Variants in MTAP observed in about 807,000 individuals in gnomAD.
MTAP encodes S-methyl-5'-thioadenosine phosphorylase.
Under a neutral mutation model 33.6 loss-of-function variants are expected in MTAP, and 33 were observed. The ratio of observed to expected loss-of-function variants is 0.98; its 90% CI spans 0.74 to 1.31. The LOEUF (loss-of-function observed/expected upper bound fraction) is 1.31, where lower values mean the gene tolerates loss of function less well. MTAP is among the 40% of genes most tolerant of loss of function. MTAP has a pLI of 0.00. For missense variants in MTAP, 367 were observed against 360.0 expected, an observed-to-expected ratio of 1.02 and a Z score of -0.16; for synonymous variants, 148 against 125.7, an observed-to-expected ratio of 1.18 and a Z score of -1.19.
intron 1 of MTAP, chr9:21,930,004 A>T: frequency 2.4e-6 from 1 of 424,538 alleles, no homozygotes; most frequent in Admixed American, 2.6e-5. Context: ...TTCTTCAGGC[A>T]ACTTTGCTAA....
At chr9:21,857,349 C>G (rs989996714) in intron 6 of MTAP, among the ~76,000 whole-genome samples, 4 of 152,200 alleles carry the variant, frequency 2.6e-5, no homozygotes, top group African/African-American at 9.7e-5. Context: ...CCCAGCCTGT[C>G]ACTGCTTTGT....
Position 21,865,353 on chromosome 9 carries a change from G to A in MTAP, c.*3339G>A, listed in dbSNP as rs1233230342. ...AGTTTCCTGAGGCCTTCCCAGCTAT[G>A]TGGAACTGTGAGTTAATTAAACCTC... On this transcript the variant is annotated 3_prime_UTR_variant, in exon 8 of 8. Coordinates refer to ENST00000644715, the MANE Select transcript of MTAP (RefSeq NM_002451.4). 1.2e-6 allele frequency: 1 copy of A among 809,344 alleles called. No individual in the cohort carries two copies. Among genetic ancestry groups the A allele is most frequent in the African/African-American group, 1.9e-5 (1 of 53,664 alleles). The allele number at this position is 809,344 out of a possible 1,614,324, so 50.1% of individuals were successfully genotyped here.
intron 1 of MTAP, among the ~76,000 whole-genome samples, chr9:21,887,699 A>G (rs529542751): frequency 3.3e-5 from 5 of 152,320 alleles, no homozygotes; most frequent in African/African-American, 1.2e-4. Flanking sequence ...TGACTTCCGC[A>G]ATGGTTGAAC....
rs1825709882 is a variant in MTAP at position 21,859,478 on chromosome 9, C to A, written c.813+53C>A. 1.1e-5 allele frequency: 17 copies of A among 1,527,508 alleles called. No individual in the cohort carries two copies. The South Asian group carries it at 2.2e-4, about 20-fold the overall frequency. The allele number at this position is 1,527,508 out of a possible 1,614,324, so 94.6% of individuals were successfully genotyped here. A position where few individuals can be genotyped will look rare whatever the true frequency, so the allele number is the denominator to read the frequency against. ...ATGTCTGTAGACTCTCTATTGTCTT[C>A]TTTTCTTACTTGCATTTCACCTTTG... On this transcript the variant is annotated intron_variant, in intron 7 of 7. Coordinates refer to ENST00000644715, the MANE Select transcript of MTAP (RefSeq NM_002451.4).
chr9:21,804,766 C>T (rs1208419090), intron 1 of MTAP, among the ~76,000 whole-genome samples: 1 of 152,174 alleles, frequency 6.6e-6, no homozygotes, highest in Admixed American at 6.5e-5. Flanking sequence ...CACACAAACC[C>T]GTTTTGCGGG....
chr9:21,889,855 G>C (rs983234486), intron 1 of MTAP, among the ~76,000 whole-genome samples: 1 of 152,194 alleles, frequency 6.6e-6, no homozygotes, highest in Admixed American at 6.5e-5. Context: ...TAGTGCACTG[G>C]TTTTCTCTAA....
chr9:21,940,095 A>G (rs1312800020), downstream of MTAP, among the ~76,000 whole-genome samples: 2 of 152,316 alleles, frequency 1.3e-5, no homozygotes, highest in Non-Finnish European at 1.5e-5. Flanking sequence ...AAGCCTGGCC[A>G]ACAGGACCCT....
Position 21,823,460 on chromosome 9 carries a change from T to C in MTAP, c.347+5258T>C, listed in dbSNP as rs1188288497. ...TTGGCCCCCACTCTCTTCTGGCTTG[T>C]AGAGTTTCTGCCGAGAGATCTGCTT... On this transcript the variant is annotated intron_variant, in intron 4 of 7. Coordinates refer to ENST00000644715, the MANE Select transcript of MTAP (RefSeq NM_002451.4). 2.6e-5 allele frequency among the ~76,000 whole-genome samples: 4 copies of C among 152,358 alleles called. No homozygotes were observed. In the East Asian group the frequency reaches 7.7e-4, roughly 29 times the overall value.
chr9:21,816,289 A>G (rs1210345288), intron 2 of MTAP, among the ~76,000 whole-genome samples: 1 of 152,150 alleles, frequency 6.6e-6, no homozygotes, highest in African/African-American at 2.4e-5. Context: ...TTCCATGATC[A>G]TCTTAGACCT....
chr9:21,938,381 G>T (rs1819076337), downstream of MTAP, among the ~76,000 whole-genome samples: 1 of 151,770 alleles, frequency 6.6e-6, no homozygotes, highest in Admixed American at 6.6e-5. Context: ...TCAGGCTGCA[G>T]TGAGCCATGA....
At chr9:21,881,678 G>C (rs564068481) in intron 1 of MTAP, among the ~76,000 whole-genome samples, 1 of 152,040 alleles carries the variant, frequency 6.6e-6, no homozygotes, top group Non-Finnish European at 1.5e-5. Context: ...AAACCACATT[G>C]AGATATCACT....
chr9:21,879,135 A>G (rs1398243424), intron 1 of MTAP, among the ~76,000 whole-genome samples: 11 of 152,052 alleles, frequency 7.2e-5, no homozygotes, highest in Non-Finnish European at 1.3e-4. Context: ...TTGATGTTCT[A>G]ATACTGTCAG....
chr9:21,816,434 C>A (rs1163256905), intron 2 of MTAP, among the ~76,000 whole-genome samples: 1 of 152,154 alleles, frequency 6.6e-6, no homozygotes, highest in Non-Finnish European at 1.5e-5. Context: ...TTTGACCAGT[C>A]TACCATCAGA....
intron 1 of MTAP, among the ~76,000 whole-genome samples, chr9:21,804,149 T>A (rs1824143236): frequency 6.6e-6 from 1 of 152,184 alleles, no homozygotes; most frequent in African/African-American, 2.4e-5. Flanking sequence ...AGGGCTAGAA[T>A]TATATTGTCT....
downstream of MTAP, chr9:21,931,230 A>G (rs1261691155): frequency 1.5e-6 from 1 of 671,752 alleles, no homozygotes; most frequent in Non-Finnish European, 2.7e-6. Flanking sequence ...AACAATCACC[A>G]TCACACCTCT....
chr9:21,857,009 G>A (rs955865442), intron 6 of MTAP, among the ~76,000 whole-genome samples: 2 of 152,180 alleles, frequency 1.3e-5, no homozygotes, highest in African/African-American at 4.8e-5. Context: ...ATGTAAAAAA[G>A]CTAGTATAAT....
chr9:21,911,400 G>A (rs1458783496), intron 1 of MTAP, among the ~76,000 whole-genome samples: 2 of 152,078 alleles, frequency 1.3e-5, no homozygotes, highest in African/African-American at 4.8e-5. Context: ...CTCAGCAAAT[G>A]TAAAAGAACA....
chr9:21,824,592 A>G (rs1824737018), intron 4 of MTAP, among the ~76,000 whole-genome samples: 1 of 152,042 alleles, frequency 6.6e-6, no homozygotes, highest in African/African-American at 2.4e-5. Context: ...CAGATCTCAA[A>G]CTCTGTGCTG....
chr9:21,908,030 T>G (rs1375735911), intron 1 of MTAP, among the ~76,000 whole-genome samples: 1 of 152,170 alleles, frequency 6.6e-6, no homozygotes, highest in Non-Finnish European at 1.5e-5. Context: ...ACAGCCATGA[T>G]ATTAACATTG....
Sources: allele counts gnomAD v4.1 joint callset (sites outside exome capture counted in the v4.1 genomes callset), GRCh38; gene constraint gnomAD v4.1.1; transcripts MANE v1.5; gene names NCBI Gene and HGNC (gene_info 2026-07-23, HGNC 2026-07-21).